Variants in CENPS observed in about 807,000 individuals in gnomAD.
CENPS encodes FANCM associated histone fold protein 1.
Under a neutral mutation model 17.9 loss-of-function variants are expected in CENPS, and 16 were observed. That is an observed-to-expected ratio of 0.90 (90% CI 0.61 to 1.36). The LOEUF (loss-of-function observed/expected upper bound fraction) is 1.36, where lower values mean the gene tolerates loss of function less well. CENPS is among the 40% of genes most tolerant of loss of function. The pLI, the probability that CENPS is intolerant of heterozygous loss-of-function variation, is 0.00. For synonymous variants in CENPS, 49 were observed against 55.8 expected (o/e 0.88, Z 0.54); for missense variants, 160 against 158.6 (o/e 1.01, Z -0.05).
At position 10,430,578 on chromosome 1, in the gene CENPS, A is replaced by G. The variant is rs909594990; in HGVS notation, c.51+10A>G. On this transcript the variant is annotated intron_variant, in intron 1 of 4. Transcript: ENST00000309048. ...ATTCTCTTACCAACAGGTACAGGAAAACGGGGGTCGGGCTGGGCTGGGGCA... is the reference window on the plus strand; with the variant it reads ...ATTCTCTTACCAACAGGTACAGGAAGACGGGGGTCGGGCTGGGCTGGGGCA... 8 of 1,533,216 alleles carry G rather than the reference A, an allele frequency of 5.2e-6. No homozygotes were observed. Among genetic ancestry groups the G allele is most frequent in the East Asian group, 5.2e-5 (2 of 38,448 alleles). The allele number at this position is 1,533,216 out of a possible 1,614,324, so 95.0% of individuals were successfully genotyped here.
intron 3 of CENPS, among the ~76,000 whole-genome samples, 158 bp downstream of exon 3, chr1:10,434,848 C>T (rs879741490): frequency 1.3e-5 from 2 of 152,188 alleles, no homozygotes; most frequent in African/African-American, 2.4e-5. Flanking sequence ...ATGACGCCTC[C>T]TTCAATCACG....
chr1:10,440,137 TG>T (rs552010970), intron 3 of CENPS: 126 of 614,744 alleles, frequency 2.0e-4, no homozygotes, highest in Non-Finnish European at 3.0e-4. Context: ...GGTGGAGAGA[TG>T]GGCCTCCGCA....
chr1:10,434,778 G>A lies in CENPS; in HGVS notation c.209+88G>A, dbSNP rs1640073213. On this transcript the variant is annotated intron_variant, in intron 3 of 4. Transcript: ENST00000309048. ...GGTGGGTTATTTCAGGAGAGCTTTAGCTATTCAGTTTTCCGTGTGTTTTGT... is the reference window on the plus strand; with the variant it reads ...GGTGGGTTATTTCAGGAGAGCTTTAACTATTCAGTTTTCCGTGTGTTTTGT... 4 of 1,474,986 alleles carry A rather than the reference G, an allele frequency of 2.7e-6. No individual in the cohort carries two copies. The South Asian group carries it at 5.9e-5, about 22-fold the overall frequency. The allele number at this position is 1,474,986 out of a possible 1,614,324, so 91.4% of individuals were successfully genotyped here.
intron 3 of CENPS, among the ~76,000 whole-genome samples, chr1:10,435,368 C>A (rs560764484): frequency 6.6e-6 from 1 of 152,148 alleles, no homozygotes; most frequent in East Asian, 1.9e-4. Context: ...CAGCCTCTCC[C>A]ACACCCCTTA....
chr1:10,433,711 C>CCA, intron 1 of CENPS, 131 bp from the exon 2 acceptor site: 1 of 1,491,876 alleles, frequency 6.7e-7, no homozygotes. Flanking sequence ...ACTTGAAAAG[C>CCA]CACTCAGCCA....
At chr1:10,431,480 C>G (rs1639911280) in intron 1 of CENPS, 3 of 1,454,038 alleles carry the variant, frequency 2.1e-6, no homozygotes, top group Non-Finnish European at 1.9e-6. Flanking sequence ...TGCTTCCCTC[C>G]CAGCCCCGCG....
chr1:10,433,688 A>T (rs1311538107), intron 1 of CENPS, among the ~76,000 whole-genome samples, 154 bp from the exon 2 acceptor site: 1 of 152,232 alleles, frequency 6.6e-6, no homozygotes, highest in Non-Finnish European at 1.5e-5. Flanking sequence ...GGGTCTCATT[A>T]ACTTATTAGT....
intron 4 of CENPS, among the ~76,000 whole-genome samples, chr1:10,441,732 TCTC>T (rs1271507807): frequency 6.7e-6 from 1 of 148,324 alleles, no homozygotes; most frequent in Non-Finnish European, 1.5e-5. Flanking sequence ...TTCATGCCAT[TCTC>T]CTGCCTCAGC....
intron 3 of CENPS, among the ~76,000 whole-genome samples, chr1:10,437,079 A>G (rs919708523): frequency 6.6e-6 from 1 of 152,172 alleles, no homozygotes; most frequent in Non-Finnish European, 1.5e-5. Flanking sequence ...TATGTTACAT[A>G]GTCTCTGTAG....
intron 1 of CENPS, chr1:10,431,232 C>G: frequency 1.3e-6 from 2 of 1,531,402 alleles, no homozygotes; most frequent in Non-Finnish European, 8.7e-7. Context: ...CGTGAAGAGG[C>G]TTAAAAGCAA....
Position 10,433,932 on chromosome 1 carries a change from G to T in CENPS, c.142G>T (p.Ala48Ser). ...GATGCAGTTCAGCAAACAGACCATT[G>T]CGGCCATTTCGGAGCTGACTTTCCG... ...KEMQFSKQTI[A>S]AISELTFRQC... is the part of the protein sequence containing the mutation. The change falls in exon 2 of 5, where the codon GCG becomes TCG. Residue 48 changes from alanine to serine, a missense_variant. Ala to Ser is a moderately conservative substitution (Grantham distance 99). Transcript: ENST00000309048. The T allele has an allele frequency of 6.2e-7, 1 of 1,614,206 alleles. No individual in the cohort carries two copies. The highest frequency in any genetic ancestry group is 8.5e-7 in the Non-Finnish European group (1 of 1,180,046).
chr1:10,433,932 GCGGCCATTT>G lies in CENPS; in HGVS notation c.146_154del (p.Ala49_Ser51del), dbSNP rs777434239. On this transcript the variant is annotated inframe_deletion, in exon 2 of 5. Coordinates refer to ENST00000309048, the MANE Select transcript of CENPS (RefSeq NM_199294.3). ...GATGCAGTTCAGCAAACAGACCATT[GCGGCCATTT>G]CGGAGCTGACTTTCCGACAGTGTGG... is the stretch of plus-strand genomic sequence containing the variant. The G allele has an allele frequency of 6.2e-7, 1 of 1,614,206 alleles. No homozygotes were observed. Among genetic ancestry groups the G allele is most frequent in the Admixed American group, 1.7e-5 (1 of 60,016 alleles).
intron 2 of CENPS, 145 bp from the exon 3 acceptor site, chr1:10,434,512 T>C: frequency 8.2e-7 from 1 of 1,218,028 alleles, no homozygotes; most frequent in Non-Finnish European, 1.1e-6. Flanking sequence ...GTGGGGCTGC[T>C]GGAAATGCCT....
rs532766341 is a variant in CENPS at position 10,440,360 on chromosome 1, A to G, written c.223A>G (p.Thr75Ala). 472 of 1,613,874 alleles carry G rather than the reference A, an allele frequency of 2.9e-4. 2 individuals carry two copies. The South Asian group carries it at 4.9e-3, about 17-fold the overall frequency. Residue 75 changes from threonine to alanine, a missense_variant, in exon 4 of 5, where the codon ACC (threonine) becomes GCC (alanine). By Grantham distance (58) the Thr-to-Ala change is moderately conservative (BLOSUM62 0). Transcript: ENST00000309048. ...LEMFARHAKR[T>A]TINTEDVKLL... Reference sequence around the variant, plus strand: ...CCCTTTCTGCAGACATGCGAAAAGAACCACAATTAACACTGAAGATGTGAA... The same window carrying G: ...CCCTTTCTGCAGACATGCGAAAAGAGCCACAATTAACACTGAAGATGTGAA...
chr1:10,430,902 C>G, intron 1 of CENPS: 2 of 1,268,018 alleles, frequency 1.6e-6, no homozygotes, highest in African/African-American at 3.2e-5. Flanking sequence ...GGTACAACGT[C>G]GGCATTAGAC....
chr1:10,433,211 G>A (rs1019127995), intron 1 of CENPS, among the ~76,000 whole-genome samples: 2 of 152,106 alleles, frequency 1.3e-5, no homozygotes, highest in Non-Finnish European at 2.9e-5. Context: ...CTCCCCTCTC[G>A]GTAATTTTCT....
At chr1:10,430,761 C>G in intron 1 of CENPS, 193 bp downstream of exon 1, 3 of 1,394,204 alleles carry the variant, frequency 2.2e-6, no homozygotes, top group South Asian at 3.3e-5. Context: ...CGGCTGGACC[C>G]TGGCCTGCGC....
intron 1 of CENPS, among the ~76,000 whole-genome samples, chr1:10,431,747 G>A (rs1639924830): frequency 6.6e-6 from 1 of 151,650 alleles, no homozygotes; most frequent in Non-Finnish European, 1.5e-5. Flanking sequence ...CCAGCTACTC[G>A]GGACGTTGAG....
chr1:10,431,855 G>GA (rs5772410), intron 1 of CENPS, among the ~76,000 whole-genome samples: 43,950 of 118,498 alleles, frequency 0.37, 8,278 homozygotes, highest in Middle Eastern at 0.49. Context: ...CTCCATCTCA[G>GA]AAAAAAAAAA....
Sources: allele counts gnomAD v4.1 joint callset (sites outside exome capture counted in the v4.1 genomes callset), GRCh38; gene constraint gnomAD v4.1.1; transcripts MANE v1.5; gene names NCBI Gene and HGNC (gene_info 2026-07-23, HGNC 2026-07-21).